The following SLC14A2 variants were observed in gnomAD, a reference collection of about 807,000 sequenced individuals.
The protein encoded by SLC14A2 is urea transporter 2.
SLC14A2 carries 91 observed loss-of-function variants against 104.6 expected under a neutral mutation model. The observed-to-expected ratio is 0.87, with a 90% CI of 0.73 to 1.04. The LOEUF is 1.04. Among genes scored for constraint, SLC14A2 ranks in the 50% least tolerant of loss-of-function variants. The pLI is 0.00. For synonymous variants in SLC14A2, 476 were observed against 466.4 expected, an observed-to-expected ratio of 1.02 and a Z score of -0.27; for missense variants, 1,189 against 1,156.0, an observed-to-expected ratio of 1.03 and a Z score of -0.41.
At chr18:45,397,435 A>C (rs2144437836) in intron 1 of SLC14A2, among the ~76,000 whole-genome samples, 1 of 152,068 alleles carries the variant, frequency 6.6e-6, no homozygotes, top group South Asian at 2.1e-4. Flanking sequence ...CTTTCTTTTC[A>C]TATGTTTGTT....
intron 11 of SLC14A2, 135 bp from the exon 12 acceptor site, chr18:45,666,002 T>A (rs1039301816): frequency 1.6e-6 from 1 of 631,670 alleles, no homozygotes. Flanking sequence ...CAAGGCCCCA[T>A]GATTCTGTGC....
the SLC14A2 span, among the ~76,000 whole-genome samples, chr18:45,199,738 G>A: frequency 6.6e-6 from 1 of 152,080 alleles, no homozygotes; most frequent in Admixed American, 6.6e-5. Flanking sequence ...TGGATTCATA[G>A]GACTCCTTAT....
intron 13 of SLC14A2, 111 bp downstream of exon 13, chr18:45,667,205 T>TATA: frequency 1.3e-6 from 1 of 766,900 alleles, no homozygotes; most frequent in Non-Finnish European, 2.1e-6. Context: ...TAGACTAGAC[T>TATA]GCACTCTGTT....
At chr18:45,431,883 C>A (rs2144552490) in intron 1 of SLC14A2, among the ~76,000 whole-genome samples, 1 of 152,274 alleles carries the variant, frequency 6.6e-6, no homozygotes, top group Admixed American at 6.5e-5. Flanking sequence ...GAGGAAGAAA[C>A]AAACTTCCCT....
At chr18:45,414,853 G>A (rs2086259251) in intron 1 of SLC14A2, among the ~76,000 whole-genome samples, 1 of 142,030 alleles carries the variant, frequency 7.0e-6, no homozygotes, top group Admixed American at 7.3e-5. Flanking sequence ...AGTAACTTTT[G>A]TAATTCCCCA....
At position 45,531,307 on chromosome 18, in the gene SLC14A2, G is replaced by T. The variant is rs551533564; in HGVS notation, c.-35+47985G>T. Among the ~76,000 whole-genome samples the T allele has an allele frequency of 9.4e-4, 143 of 152,240 alleles. 1 individual carries two copies. The Middle Eastern group carries it at 0.024, about 25-fold the overall frequency. On this transcript the variant is annotated intron_variant, in intron 2 of 20. Coordinates refer to the SLC14A2 transcript ENST00000586448. Reference sequence around the variant, plus strand: ...TCCACAATGGTTGAACTAGTTTACAGTCCCACCAACAGTGTAAAAGTGTTC... The same window carrying T: ...TCCACAATGGTTGAACTAGTTTACATTCCCACCAACAGTGTAAAAGTGTTC...
In SLC14A2 at chr18:45,667,986, T is replaced by C. The variant is rs144385284; in HGVS notation, c.1871T>C (p.Met624Thr). 2.6e-4 allele frequency: 421 copies of C among 1,614,012 alleles called. 1 individual carries two copies. Among genetic ancestry groups the C allele is most frequent in the Non-Finnish European group, 3.4e-4 (398 of 1,180,012 alleles). ...WAISGCLGTI[M>T]STLTALILSQ... ...ATCTCAGGCTGCCTGGGTACCATCA[T>C]GTCCACCTTGACAGCCCTCATCCTG... is the stretch of plus-strand genomic sequence containing the variant. The change falls in exon 14 of 20, where the codon ATG becomes ACG. Residue 624 changes from methionine (M) to threonine (T), a missense_variant. Physicochemically the swap from Met to Thr is moderately conservative, Grantham distance 81. Transcript: ENST00000255226.
At chr18:45,536,565 TTCATG>T (rs1183084976) in intron 2 of SLC14A2, among the ~76,000 whole-genome samples, 2 of 152,146 alleles carry the variant, frequency 1.3e-5, no homozygotes. Flanking sequence ...GAGGACACCA[TTCATG>T]TCAGATTAAG....
chr18:45,567,601 G>T (rs970972749), intron 2 of SLC14A2, among the ~76,000 whole-genome samples: 1 of 152,166 alleles, frequency 6.6e-6, no homozygotes, highest in African/African-American at 2.4e-5. Flanking sequence ...TGTGTCCAGG[G>T]GTTAGCCCGG....
At chr18:45,238,890 C>T (rs578215775) in intron 1 of SLC14A2, among the ~76,000 whole-genome samples, 31 of 152,054 alleles carry the variant, frequency 2.0e-4, no homozygotes, top group Admixed American at 1.2e-3. Context: ...ACCTAGAAGG[C>T]GTTGTCCCCA....
chr18:45,173,499 A>G, the SLC14A2 span, among the ~76,000 whole-genome samples: 1 of 150,848 alleles, frequency 6.6e-6, no homozygotes. Context: ...AAAAAAAAAA[A>G]GGAAAAACTT....
intron 18 of SLC14A2, among the ~76,000 whole-genome samples, chr18:45,677,544 C>A (rs2046246568): frequency 6.6e-6 from 1 of 152,240 alleles, no homozygotes; most frequent in African/African-American, 2.4e-5. Context: ...CAGTGCCCAA[C>A]TCCTACAGCT....
chr18:45,471,394 G>A (rs2087246005), intron 1 of SLC14A2, among the ~76,000 whole-genome samples: 1 of 152,094 alleles, frequency 6.6e-6, no homozygotes, highest in African/African-American at 2.4e-5. Flanking sequence ...AATTTTTCCT[G>A]AGACGGTTTA....
At chr18:45,284,765 G>C (rs563291565) in intron 1 of SLC14A2, among the ~76,000 whole-genome samples, 1 of 152,276 alleles carries the variant, frequency 6.6e-6, no homozygotes, top group Non-Finnish European at 1.5e-5. Flanking sequence ...TACAAAACGA[G>C]GGTCTGGGGG....
At chr18:45,548,983 C>T (rs1327185643) in intron 2 of SLC14A2, among the ~76,000 whole-genome samples, 1 of 152,202 alleles carries the variant, frequency 6.6e-6, no homozygotes. Flanking sequence ...GTAAAAGGGA[C>T]CCCAGAGAGT....
At chr18:45,513,296 T>G (rs2144792172) in intron 2 of SLC14A2, among the ~76,000 whole-genome samples, 1 of 152,348 alleles carries the variant, frequency 6.6e-6, no homozygotes, top group South Asian at 2.1e-4. Context: ...GTCATTTACC[T>G]TATGTGAGTA....
chr18:45,581,500 A>G lies in SLC14A2; in HGVS notation c.-34-43131A>G, dbSNP rs1181654362. ...AGAAGTCAATGGAGAAGAGAAACTC[A>G]CCACACCAAGTGCATTGTGTGGGGC... On this transcript the variant is annotated intron_variant, in intron 2 of 20. Coordinates refer to the SLC14A2 transcript ENST00000586448. Among the ~76,000 whole-genome samples the G allele has an allele frequency of 5.9e-5, 9 of 152,176 alleles. No individual in the cohort carries two copies. In the South Asian group the frequency reaches 1.5e-3, roughly 25 times the overall value.
At chr18:45,547,041 C>T (rs1012615916) in intron 2 of SLC14A2, among the ~76,000 whole-genome samples, 1 of 152,120 alleles carries the variant, frequency 6.6e-6, no homozygotes, top group Non-Finnish European at 1.5e-5. Flanking sequence ...GAGCAGAGAG[C>T]ACTTTTTAAA....
intron 1 of SLC14A2, among the ~76,000 whole-genome samples, chr18:45,233,707 A>G (rs763372620): frequency 1.1e-4 from 16 of 151,664 alleles, no homozygotes; most frequent in Admixed American, 6.6e-5. Context: ...GGTGGTCTCT[A>G]TGTTTCTGGA....
Sources: gnomAD v4.1 joint callset for allele counts (sites outside exome capture counted in the v4.1 genomes callset) on GRCh38, gnomAD v4.1.1 for gene constraint, MANE v1.5 for transcripts, NCBI Gene and HGNC (gene_info 2026-07-23, HGNC 2026-07-21) for gene names.